The following PDZD2 variants were observed in gnomAD, a reference collection of about 807,000 sequenced individuals.
The protein encoded by PDZD2 is PDZ domain-containing protein 2.
PDZD2 carries 90 observed loss-of-function variants against 220.7 expected under a neutral mutation model. The observed-to-expected ratio is 0.41, with a 90% CI of 0.34 to 0.49. PDZD2 has a LOEUF of 0.49. Among genes scored for constraint, PDZD2 ranks in the 20% least tolerant of loss-of-function variants. The probability of loss-of-function intolerance (pLI) is 0.28; values close to 1 mark genes in which losing one functional copy is unlikely to be tolerated. For synonymous variants in PDZD2, 1,375 were observed against 1,450.5 expected (o/e 0.95, Z 1.18); for missense variants, 3,174 against 3,608.5 (o/e 0.88, Z 3.08).
At chr5:32,072,827 C>G (rs1410431508) in intron 17 of PDZD2, among the ~76,000 whole-genome samples, 1 of 152,154 alleles carries the variant, frequency 6.6e-6, no homozygotes, top group African/African-American at 2.4e-5. Flanking sequence ...ACCAGACCTC[C>G]TTTCAATGCC....
In PDZD2 at chr5:32,098,661, A is replaced by C. The variant is rs184639530; in HGVS notation, c.8218+27A>C. On this transcript the variant is annotated intron_variant, in intron 23 of 24. Transcript: ENST00000438447. This position sits in a 1 kb window ranked among gnomAD's most constrained non-coding sequence, Gnocchi z 4.1. ...TAAGATGATCATTTCAACAACCAGCAGGCTGTGAGCTACTGCAGAAAGAGG... is the reference window on the plus strand; with the variant it reads ...TAAGATGATCATTTCAACAACCAGCCGGCTGTGAGCTACTGCAGAAAGAGG... The C allele has an allele frequency of 2.3e-4, 366 of 1,597,652 alleles. 1 individual carries two copies. Among genetic ancestry groups the C allele is most frequent in the Non-Finnish European group, 6.0e-6 (7 of 1,170,136 alleles).
intron 5 of PDZD2, among the ~76,000 whole-genome samples, chr5:32,004,452 A>G (rs1373126966): frequency 6.6e-6 from 1 of 152,212 alleles, no homozygotes; most frequent in Non-Finnish European, 1.5e-5. Flanking sequence ...TTAGCCATGC[A>G]TGGTAGCACA....
intron 6 of PDZD2, among the ~76,000 whole-genome samples, chr5:32,027,881 A>G (rs901227333): frequency 1.2e-4 from 18 of 152,286 alleles, no homozygotes; most frequent in African/African-American, 4.3e-4. Flanking sequence ...AGAGACTTGG[A>G]AAATGAGCTT....
chr5:31,952,208 G>C (rs1747241642), intron 2 of PDZD2, among the ~76,000 whole-genome samples: 1 of 152,194 alleles, frequency 6.6e-6, no homozygotes, highest in South Asian at 2.1e-4. Context: ...ATAATTTTGA[G>C]ATATCCATGC....
At position 32,084,948 on chromosome 5, in the gene PDZD2, C is replaced by CTTTTTTTT. The variant is rs745430355; in HGVS notation, c.3683-2164_3683-2157dup. Among the ~76,000 whole-genome samples, 21 of 94,492 alleles carry CTTTTTTTT rather than the reference C, an allele frequency of 2.2e-4. 1 individual carries two copies. The highest frequency in any genetic ancestry group is 3.6e-4 in the Non-Finnish European group (18 of 50,128). The allele number at this position is 94,492 out of a possible 152,430, so 62.0% of individuals were successfully genotyped here. A position where few individuals can be genotyped will look rare whatever the true frequency, so the allele number is the denominator to read the frequency against. On this transcript the variant is annotated intron_variant, in intron 19 of 24. Coordinates refer to ENST00000438447, the MANE Select transcript of PDZD2 (RefSeq NM_178140.4). Reference sequence around the variant, plus strand: ...TGCTTCTCTGCTTTCATTCTGTTGCCTTTTTTTTTTTTTTTTTTTTTTTTT... The same window carrying CTTTTTTTT: ...TGCTTCTCTGCTTTCATTCTGTTGCCTTTTTTTTTTTTTTTTTTTTTTTTTTTTTTTTT...
At chr5:31,689,353 A>ATATATT in intron 1 of PDZD2, among the ~76,000 whole-genome samples, 1 of 35,120 alleles carries the variant, frequency 2.8e-5, no homozygotes, top group Non-Finnish European at 4.2e-5. Context: ...ATATATATAT[A>ATATATT]TTTTTTTTTT....
intron 2 of PDZD2, among the ~76,000 whole-genome samples, chr5:31,969,603 G>A (rs1053102272): frequency 6.6e-6 from 1 of 151,196 alleles, no homozygotes; most frequent in Admixed American, 6.6e-5. Flanking sequence ...GAAAGTGGTG[G>A]CTGGGATTAG....
chr5:31,858,740 A>G (rs1758674054), intron 2 of PDZD2, among the ~76,000 whole-genome samples: 1 of 146,996 alleles, frequency 6.8e-6, no homozygotes, highest in Non-Finnish European at 1.5e-5. Context: ...TCTTTATGAG[A>G]TGGAGTCTCC....
intron 2 of PDZD2, among the ~76,000 whole-genome samples, chr5:31,958,125 T>G (rs1031729360): frequency 1.3e-5 from 2 of 152,244 alleles, no homozygotes; most frequent in Non-Finnish European, 2.9e-5. Context: ...TGTACACATT[T>G]AATATGTTTA....
intron 2 of PDZD2, among the ~76,000 whole-genome samples, chr5:31,925,345 C>G (rs1418912484): frequency 6.7e-6 from 1 of 148,440 alleles, no homozygotes; most frequent in Non-Finnish European, 1.5e-5. Flanking sequence ...ACAAAGTTAA[C>G]AAAAAAAAAA....
chr5:31,908,554 G>T lies in PDZD2; in HGVS notation c.477-74601G>T, dbSNP rs553483774. 3.1e-5 allele frequency: 31 copies of T among 993,730 alleles called. No homozygotes were observed. The South Asian group carries it at 3.6e-4, about 12-fold the overall frequency. 61.6% of individuals were successfully genotyped at this position (993,730 alleles called of 1,614,324 possible). ...CGAGGGCACGGAAAGCACAGTAATG[G>T]CTGGTGTTGATACTGTCATGAACCA... On this transcript the variant is annotated intron_variant, in intron 2 of 24. Coordinates refer to ENST00000438447, the MANE Select transcript of PDZD2 (RefSeq NM_178140.4).
intron 2 of PDZD2, chr5:31,822,938 G>T: frequency 2.0e-6 from 2 of 996,662 alleles, no homozygotes; most frequent in Non-Finnish European, 1.5e-6. Context: ...ACGGTGGCCA[G>T]CTCCTTTCTG....
intron 2 of PDZD2, chr5:31,823,034 G>A (rs1008576401): frequency 1.3e-5 from 15 of 1,169,570 alleles, no homozygotes; most frequent in East Asian, 3.4e-5. Context: ...AAGTCCCTCC[G>A]CAGGGTTCCT....
In PDZD2 at chr5:31,869,627, T is replaced by C. The variant is rs138720472; in HGVS notation, c.476+69903T>C. Reference sequence around the variant, plus strand: ...ACTGCGATGAGCACCTTTTATAGCTTGGAATATTGTCCATTGTCCTTTCCA... The same window carrying C: ...ACTGCGATGAGCACCTTTTATAGCTCGGAATATTGTCCATTGTCCTTTCCA... On this transcript the variant is annotated intron_variant, in intron 2 of 24. Coordinates refer to ENST00000438447, the MANE Select transcript of PDZD2 (RefSeq NM_178140.4). Among the ~76,000 whole-genome samples, 187 of 152,308 alleles carry C rather than the reference T, an allele frequency of 1.2e-3. 1 individual carries two copies. The highest frequency in any genetic ancestry group is 4.4e-3 in the African/African-American group (181 of 41,576).
At position 31,951,201 on chromosome 5, in the gene PDZD2, G is replaced by A. The variant is rs545853822; in HGVS notation, c.477-31954G>A. On this transcript the variant is annotated intron_variant, in intron 2 of 24. Transcript: ENST00000438447. ...CCCACCCACAGCCTCCCTGGTAGCC[G>A]GGATTACACGTGTACAGCACCACAC... 5.5e-4 allele frequency among the ~76,000 whole-genome samples: 83 copies of A among 152,212 alleles called. 4 individuals carry two copies. In the South Asian group the frequency reaches 0.015, roughly 28 times the overall value.
intron 6 of PDZD2, among the ~76,000 whole-genome samples, chr5:32,015,519 T>A (rs1753721140): frequency 6.6e-6 from 1 of 152,204 alleles, no homozygotes; most frequent in Non-Finnish European, 1.5e-5. Flanking sequence ...CCCAGATAGC[T>A]GGGATTACAG....
chr5:31,639,675 G>A lies in PDZD2; in HGVS notation c.-361+238G>A, dbSNP rs1171065657. ...GGGGAGGGCGCAGCCCAGGGGAGGG[G>A]GCTAGACAGAGCGGGACCGAGACAG... On this transcript the variant is annotated intron_variant, in intron 1 of 24. Coordinates refer to ENST00000438447, the MANE Select transcript of PDZD2 (RefSeq NM_178140.4). The surrounding 1 kb of genome is among the most constrained non-coding windows in gnomAD (Gnocchi z 4.1). 3.3e-5 allele frequency among the ~76,000 whole-genome samples: 5 copies of A among 152,186 alleles called. No homozygotes were observed. The highest frequency in any genetic ancestry group is 7.4e-5 in the Non-Finnish European group (5 of 68,008).
intron 2 of PDZD2, among the ~76,000 whole-genome samples, chr5:31,877,481 AGT>A (rs1175410321): frequency 2.6e-5 from 4 of 152,040 alleles, no homozygotes; most frequent in African/African-American, 9.7e-5. Flanking sequence ...GGCCTCTCAA[AGT>A]GATAGGATTA....
chr5:32,042,736 C>T (rs964622251), intron 7 of PDZD2, among the ~76,000 whole-genome samples: 5 of 152,106 alleles, frequency 3.3e-5, no homozygotes, highest in East Asian at 3.9e-4. Flanking sequence ...TGAAGGGAGC[C>T]GGTGACCAGC....
Sources: gnomAD v4.1 joint callset for allele counts (sites outside exome capture counted in the v4.1 genomes callset) on GRCh38, gnomAD v4.1.1 for gene constraint, Gnocchi (gnomAD v3.1) non-coding constraint, MANE v1.5 for transcripts, NCBI Gene and HGNC (gene_info 2026-07-23, HGNC 2026-07-21) for gene names.